AK9: variants seen among roughly 807,000 people sequenced by gnomAD.
The protein encoded by AK9 is adenylate kinase domain containing 1.
A neutral mutation model predicts 239.6 loss-of-function variants in AK9; 191 were observed. The ratio of observed to expected loss-of-function variants is 0.80; its 90% confidence interval spans 0.71 to 0.90. AK9 has a LOEUF of 0.90. Ranked by LOEUF, AK9 falls within the 40% of genes least tolerant of loss-of-function variation. The pLI is 0.00. For synonymous variants in AK9, 689 were observed against 721.0 expected, an observed-to-expected ratio of 0.96 and a Z score of 0.71; for missense variants, 1,995 against 2,214.7, an observed-to-expected ratio of 0.90 and a Z score of 1.99.
At chr6:109,537,980 T>A (rs1444641064) in intron 27 of AK9, among the ~76,000 whole-genome samples, 1 of 152,346 alleles carries the variant, frequency 6.6e-6, no homozygotes, top group South Asian at 2.1e-4. Flanking sequence ...CAGTTTGTTA[T>A]AATTTCTGTT....
intron 1 of AK9, among the ~76,000 whole-genome samples, chr6:109,682,893 T>C (rs952226603): frequency 1.9e-4 from 29 of 152,228 alleles, no homozygotes; most frequent in Non-Finnish European, 7.3e-5. Flanking sequence ...CGCTAACTCA[T>C]TTTATGAAGC....
intron 8 of AK9, among the ~76,000 whole-genome samples, chr6:109,655,167 A>G (rs1799509297): frequency 6.6e-6 from 1 of 152,196 alleles, no homozygotes; most frequent in African/African-American, 2.4e-5. Flanking sequence ...ATACAAATTC[A>G]TATTTGGGGT....
At chr6:109,638,897 C>T (rs1357498928) in intron 10 of AK9, among the ~76,000 whole-genome samples, 1 of 152,116 alleles carries the variant, frequency 6.6e-6, no homozygotes, top group Non-Finnish European at 1.5e-5. Context: ...TGAGAACATG[C>T]AGTGTTTGGT....
chr6:109,515,464 A>G (rs1414538547), intron 31 of AK9, among the ~76,000 whole-genome samples: 2 of 152,306 alleles, frequency 1.3e-5, no homozygotes, highest in Admixed American at 6.5e-5. Flanking sequence ...AGTGTCAGCC[A>G]TCCCTGAACT....
chr6:109,641,132 T>C lies in AK9; in HGVS notation c.933+386A>G, dbSNP rs574696789. 4.1e-3 allele frequency among the ~76,000 whole-genome samples: 519 copies of C among 127,982 alleles called. 3 individuals carry two copies. Among genetic ancestry groups the C allele is most frequent in the African/African-American group, 0.014 (501 of 34,948 alleles). The allele number at this position is 127,982 out of a possible 152,430, so 84.0% of individuals were successfully genotyped here. A position where few individuals can be genotyped will look rare whatever the true frequency, so the allele number is the denominator to read the frequency against. ...AAATTAAGGCCACAACATACATATA[T>C]ATATGAATAAATATATATATATATA... is the stretch of plus-strand genomic sequence containing the variant. On this transcript the variant is annotated intron_variant, in intron 10 of 40. Transcript: ENST00000424296.
intron 39 of AK9, 118 bp from the exon 40 acceptor site, chr6:109,494,213 G>A: frequency 1.6e-6 from 1 of 611,234 alleles, no homozygotes; most frequent in East Asian, 2.8e-5. Flanking sequence ...CTGGAGTGGG[G>A]ATGGGGCTTA....
At position 109,537,920 on chromosome 6, in the gene AK9, T is replaced by C. The variant is rs140426863; in HGVS notation, c.3350+4127A>G. Among the ~76,000 whole-genome samples, 116 of 152,218 alleles carry C rather than the reference T, an allele frequency of 7.6e-4. 1 individual carries two copies. In the East Asian group the frequency reaches 0.018, roughly 23 times the overall value. ...TTCCATGCAGTTGAGCGGTTTTGAG[T>C]GAGTTTCTTATTCCTGAGTTCTAGT... On this transcript the variant is annotated intron_variant, in intron 27 of 40. Transcript: ENST00000424296.
chr6:109,558,410 G>A (rs188427401), intron 24 of AK9, among the ~76,000 whole-genome samples: 2 of 152,232 alleles, frequency 1.3e-5, no homozygotes, highest in East Asian at 3.9e-4. Flanking sequence ...TGTATATCAT[G>A]TGAGGTTTGG....
chr6:109,623,016 GTC>G (rs1356593061), intron 12 of AK9, among the ~76,000 whole-genome samples: 2 of 152,076 alleles, frequency 1.3e-5, no homozygotes, highest in Non-Finnish European at 2.9e-5. Flanking sequence ...GATATGACAA[GTC>G]TCTGTTTTTT....
At chr6:109,663,325 A>G (rs1384611886) in intron 5 of AK9, among the ~76,000 whole-genome samples, 1 of 152,182 alleles carries the variant, frequency 6.6e-6, no homozygotes, top group African/African-American at 2.4e-5. Context: ...TAAAGTCTCA[A>G]TTCCTTCAGT....
chr6:109,508,208 G>C (rs1256068577), intron 33 of AK9, among the ~76,000 whole-genome samples: 3 of 152,198 alleles, frequency 2.0e-5, no homozygotes, highest in African/African-American at 7.2e-5. Flanking sequence ...TGGCCTCATA[G>C]AGAATGTATG....
At chr6:109,666,723 TG>T (rs1341586969) in intron 5 of AK9, among the ~76,000 whole-genome samples, 14 of 152,352 alleles carry the variant, frequency 9.2e-5, no homozygotes, top group African/African-American at 3.1e-4. Flanking sequence ...CAGATTGAAG[TG>T]ATGACAGATT....
chr6:109,507,441 A>G (rs1367489928), intron 33 of AK9, among the ~76,000 whole-genome samples: 1 of 152,106 alleles, frequency 6.6e-6, no homozygotes. Context: ...GAGTGGCCCT[A>G]TAATATTTGA....
At chr6:109,579,968 G>A (rs908731943) in intron 19 of AK9, among the ~76,000 whole-genome samples, 1 of 152,114 alleles carries the variant, frequency 6.6e-6, no homozygotes, top group East Asian at 1.9e-4. Flanking sequence ...ATAATGTCAA[G>A]TAAGAAAAGT....
At chr6:109,616,570 T>C (rs1794216234) in intron 13 of AK9, among the ~76,000 whole-genome samples, 1 of 151,792 alleles carries the variant, frequency 6.6e-6, no homozygotes, top group Admixed American at 6.6e-5. Flanking sequence ...AGAAATAATG[T>C]CTCCCTTTGT....
intron 12 of AK9, 109 bp downstream of exon 12, chr6:109,632,814 A>C: frequency 7.2e-7 from 1 of 1,382,238 alleles, no homozygotes. Context: ...ACTGAGTACA[A>C]ATAAAATCCT....
intron 26 of AK9, among the ~76,000 whole-genome samples, chr6:109,545,497 A>G (rs1310015864): frequency 6.6e-6 from 1 of 152,190 alleles, no homozygotes; most frequent in Non-Finnish European, 1.5e-5. Context: ...TGATGGTTTT[A>G]TAACGGGGAG....
Position 109,586,068 on chromosome 6 carries a change from A to T in AK9, c.1847T>A (p.Met616Lys). The T allele has an allele frequency of 6.5e-7, 1 of 1,549,736 alleles. No individual in the cohort carries two copies. Among genetic ancestry groups the T allele is most frequent in the Non-Finnish European group, 8.7e-7 (1 of 1,146,390 alleles). Residue 616 changes from methionine to lysine, a missense_variant, in exon 18 of 41, where the codon ATG becomes AAG. This residue lies in a region of AK9 where 1,290 missense variants were observed against 1,392.7 expected (regional missense o/e 0.93). Coordinates refer to ENST00000424296, the MANE Select transcript of AK9 (RefSeq NM_001145128.3). ...EILQEVLGEVMEENKDRFPGA... is the reference protein window; with the variant it reads ...EILQEVLGEVKEENKDRFPGA... The stretch of plus-strand genomic sequence containing the variant: ...AGGAAACCTATCCTTGTTTTCTTCC[A>T]TTACCTGTGAAAAATTGTACACTGA...
intron 36 of AK9, 149 bp from the exon 37 acceptor site, chr6:109,498,114 G>C: frequency 1.4e-6 from 1 of 709,520 alleles, no homozygotes. Context: ...CCTCTGAAAG[G>C]AAGTTCCTTA....
Sources: gnomAD v4.1 joint callset for allele counts (sites outside exome capture counted in the v4.1 genomes callset) on GRCh38, gnomAD v4.1.1 for gene constraint, gnomAD v4.1.1 regional missense constraint, MANE v1.5 for transcripts, NCBI Gene and HGNC (gene_info 2026-07-23, HGNC 2026-07-21) for gene names.